ULK4: variants seen among roughly 807,000 people sequenced by gnomAD.
ULK4 encodes inactive serine/threonine-protein kinase ULK4.
Under a neutral mutation model 160.6 loss-of-function variants are expected in ULK4, and 133 were observed. That is an observed-to-expected ratio of 0.83 (90% CI 0.72 to 0.96). The LOEUF (loss-of-function observed/expected upper bound fraction) is 0.96. Ranked by LOEUF, ULK4 falls within the 40% of genes least tolerant of loss-of-function variation. The probability of loss-of-function intolerance (pLI) is 0.00; values close to 1 mark genes in which losing one functional copy is unlikely to be tolerated. For missense variants in ULK4, 1,580 were observed against 1,499.5 expected, an observed-to-expected ratio of 1.05 and a Z score of -0.89; for synonymous variants, 534 against 539.8, an observed-to-expected ratio of 0.99 and a Z score of 0.15.
intron 30 of ULK4, among the ~76,000 whole-genome samples, chr3:41,652,188 T>C (rs972964483): frequency 7.9e-5 from 12 of 152,034 alleles, no homozygotes; most frequent in Non-Finnish European, 1.6e-4. Context: ...AGCAAGATAA[T>C]GGAAGAAAAT....
intron 32 of ULK4, among the ~76,000 whole-genome samples, chr3:41,539,476 C>T (rs992086356): frequency 6.6e-6 from 1 of 152,136 alleles, no homozygotes; most frequent in East Asian, 1.9e-4. Context: ...TACTCTCCAA[C>T]ACTACTACCA....
Position 41,898,309 on chromosome 3 carries a change from T to C in ULK4, c.1348+123A>G, listed in dbSNP as rs893812900. On this transcript the variant is annotated intron_variant, in intron 14 of 36. Coordinates refer to ENST00000301831, the MANE Select transcript of ULK4 (RefSeq NM_017886.4). ...AATTCGTGTAACACTGCCCCAAGAA[T>C]ATAGCCAATTGTCAAGACAAAATAA... 18 of 623,530 alleles carry C rather than the reference T, an allele frequency of 2.9e-5. No homozygotes were observed. In the African/African-American group the frequency reaches 3.0e-4, roughly 10 times the overall value. 38.6% of individuals were successfully genotyped at this position (623,530 alleles called of 1,614,324 possible).
chr3:41,674,826 G>A (rs994439), intron 29 of ULK4, among the ~76,000 whole-genome samples: 95,582 of 152,076 alleles, frequency 0.63, 31,681 homozygotes, highest in African/African-American at 0.85. Context: ...TAACGCACAT[G>A]AGACAGCAAA....
intron 25 of ULK4, among the ~76,000 whole-genome samples, chr3:41,713,795 G>A (rs917227916): frequency 4.6e-5 from 7 of 152,114 alleles, no homozygotes; most frequent in Admixed American, 6.5e-5. Context: ...AGGAGCAGAC[G>A]AGTTCTCCCC....
Position 41,364,537 on chromosome 3 carries a change from C to A in ULK4, c.3678+33542G>T, listed in dbSNP as rs186637070. On this transcript the variant is annotated intron_variant, in intron 35 of 36. Transcript: ENST00000301831. ...ATTTTTTTTTCCTGGTATTTCTCTT[C>A]TACTGCTGCTCAAAGTCTCTCCATT... Among the ~76,000 whole-genome samples, 4 of 152,210 alleles carry A rather than the reference C, an allele frequency of 2.6e-5. No individual in the cohort carries two copies. In the East Asian group the frequency reaches 5.8e-4, roughly 22 times the overall value.
intron 22 of ULK4, among the ~76,000 whole-genome samples, chr3:41,738,878 C>G (rs2038142552): frequency 1.3e-5 from 2 of 151,912 alleles, no homozygotes; most frequent in Non-Finnish European, 2.9e-5. Context: ...TGCAGCAATT[C>G]TACAAGCTGC....
chr3:41,635,507 T>C (rs1205785909), intron 30 of ULK4, among the ~76,000 whole-genome samples: 2 of 152,170 alleles, frequency 1.3e-5, no homozygotes, highest in Non-Finnish European at 2.9e-5. Context: ...AAATAAAATA[T>C]AATCCCACTA....
rs573248284 is a variant in ULK4 at position 41,802,298 on chromosome 3, G to A, written c.1849-2005C>T. 5.9e-5 allele frequency among the ~76,000 whole-genome samples: 9 copies of A among 152,162 alleles called. No homozygotes were observed. The East Asian group carries it at 1.2e-3, about 20-fold the overall frequency. ...GAGCCTATTTTAAACATAAGCTGCA[G>A]CTGCTGTTTTTCTTTTTGAGACACA... On this transcript the variant is annotated intron_variant, in intron 19 of 36. Coordinates refer to ENST00000301831, the MANE Select transcript of ULK4 (RefSeq NM_017886.4).
chr3:41,665,996 G>A (rs1013436185), intron 29 of ULK4, among the ~76,000 whole-genome samples: 6 of 152,226 alleles, frequency 3.9e-5, no homozygotes, highest in Non-Finnish European at 7.3e-5. Flanking sequence ...GACGCATAGG[G>A]CAGAGACAAG....
At chr3:41,601,018 T>G (rs1253919104) in intron 31 of ULK4, among the ~76,000 whole-genome samples, 2 of 152,124 alleles carry the variant, frequency 1.3e-5, no homozygotes, top group East Asian at 3.9e-4. Flanking sequence ...AGACCCTTAT[T>G]TAAAAAACGA....
At chr3:41,949,988 G>C (rs982667862) in intron 2 of ULK4, among the ~76,000 whole-genome samples, 1 of 151,460 alleles carries the variant, frequency 6.6e-6, no homozygotes, top group African/African-American at 2.4e-5. Context: ...TACCCACCTT[G>C]GTCTCTCAAA....
intron 22 of ULK4, among the ~76,000 whole-genome samples, chr3:41,730,742 A>T (rs2125864377): frequency 6.6e-6 from 1 of 152,310 alleles, no homozygotes; most frequent in South Asian, 2.1e-4. Context: ...GAAGACAAAG[A>T]AGTCTTTCAA....
At chr3:41,385,506 T>C (rs1343476050) in intron 35 of ULK4, among the ~76,000 whole-genome samples, 5 of 152,142 alleles carry the variant, frequency 3.3e-5, no homozygotes, top group African/African-American at 7.2e-5. Context: ...GCAACTAGCC[T>C]GGGCAACAGA....
intron 30 of ULK4, among the ~76,000 whole-genome samples, chr3:41,651,326 T>C (rs1277675043): frequency 6.6e-6 from 1 of 152,204 alleles, no homozygotes; most frequent in Non-Finnish European, 1.5e-5. Flanking sequence ...AGGCTGTCTC[T>C]GTCCACCCTC....
At position 41,454,369 on chromosome 3, in the gene ULK4, G is replaced by A. The variant is rs186530121; in HGVS notation, c.3492+1128C>T. Among the ~76,000 whole-genome samples the A allele has an allele frequency of 1.6e-3, 244 of 150,470 alleles. 3 individuals are homozygous for A. Among genetic ancestry groups the A allele is most frequent in the East Asian group, 1.4e-3 (7 of 4,978 alleles). On this transcript the variant is annotated intron_variant, in intron 34 of 36. Coordinates refer to ENST00000301831, the MANE Select transcript of ULK4 (RefSeq NM_017886.4). ...GGCCTGGACAATATGGTGAAACCCT[G>A]TCTCTATTAAAAATGCAAAAATTAG...
intron 34 of ULK4, among the ~76,000 whole-genome samples, chr3:41,430,193 C>G (rs2082872219): frequency 6.6e-6 from 1 of 152,098 alleles, no homozygotes; most frequent in African/African-American, 2.4e-5. Context: ...CTACCACTTC[C>G]TAACAGTAGA....
At chr3:41,737,321 C>G (rs945675055) in intron 22 of ULK4, among the ~76,000 whole-genome samples, 4 of 151,974 alleles carry the variant, frequency 2.6e-5, no homozygotes, top group Non-Finnish European at 4.4e-5. Context: ...TGTCAAGGAT[C>G]TCTTCAAGGA....
At chr3:41,716,926 T>C (rs9866759) in intron 23 of ULK4, among the ~76,000 whole-genome samples, 48,518 of 152,070 alleles carry the variant, frequency 0.32, 11,450 homozygotes, top group African/African-American at 0.67. Flanking sequence ...AATTCCTTAA[T>C]ATCACATTTT....
At chr3:41,844,621 G>A (rs2042018751) in intron 17 of ULK4, among the ~76,000 whole-genome samples, 1 of 152,200 alleles carries the variant, frequency 6.6e-6, no homozygotes, top group Non-Finnish European at 1.5e-5. Flanking sequence ...CCACAGTGCA[G>A]CAGCAGGCTG....
Sources: gnomAD v4.1 joint callset for allele counts (sites outside exome capture counted in the v4.1 genomes callset) on GRCh38, gnomAD v4.1.1 for gene constraint, MANE v1.5 for transcripts, NCBI Gene and HGNC (gene_info 2026-07-23, HGNC 2026-07-21) for gene names.